The following ST7 variants were observed in gnomAD, a reference collection of about 807,000 sequenced individuals.
ST7 encodes suppression of tumorigenicity 7.
In ST7, 28 loss-of-function variants were observed where a neutral mutation model predicts 78.7. That is an observed-to-expected ratio of 0.36 (90% CI 0.26 to 0.49). The LOEUF (loss-of-function observed/expected upper bound fraction) is 0.49. ST7 is among the 20% of genes least tolerant of loss of function. The pLI, the probability that ST7 is intolerant of heterozygous loss-of-function variation, is 0.99. For missense variants in ST7, 418 were observed against 696.0 expected (o/e 0.60, Z 4.49); for synonymous variants, 247 against 249.6 (o/e 0.99, Z 0.10).
At chr7:117,121,667 C>G (rs1241115238) in intron 3 of ST7, among the ~76,000 whole-genome samples, 1 of 152,160 alleles carries the variant, frequency 6.6e-6, no homozygotes, top group East Asian at 1.9e-4. Context: ...GGATCTCCTC[C>G]TTTGTTTTCC....
At chr7:117,143,414 C>T (rs1805489196) in intron 9 of ST7, among the ~76,000 whole-genome samples, 1 of 152,162 alleles carries the variant, frequency 6.6e-6, no homozygotes. Flanking sequence ...TCCCTAAAAT[C>T]TCATAATCTC....
Position 116,965,339 on chromosome 7 carries a change from C to CAA in ST7, c.151+11668_151+11669dup, listed in dbSNP as rs975151437. 1.4e-3 allele frequency among the ~76,000 whole-genome samples: 69 copies of CAA among 50,010 alleles called. 1 individual carries two copies. The highest frequency in any genetic ancestry group is 3.1e-3 in the African/African-American group (50 of 16,084). The allele number at this position is 50,010 out of a possible 152,430, so 32.8% of individuals were successfully genotyped here. ...TGGGCGACTGAGTGAGACTCCGTCTCAAAAAAAAAAAAAAAAAAAAATTCT... is the reference window on the plus strand; with the variant it reads ...TGGGCGACTGAGTGAGACTCCGTCTCAAAAAAAAAAAAAAAAAAAAAAATTCT... On this transcript the variant is annotated intron_variant, in intron 1 of 15. Coordinates refer to ENST00000323984, the MANE Select transcript of ST7 (RefSeq NM_001369598.1).
chr7:117,138,786 A>G (rs1805019931), intron 9 of ST7, among the ~76,000 whole-genome samples: 1 of 152,144 alleles, frequency 6.6e-6, no homozygotes, highest in African/African-American at 2.4e-5. Flanking sequence ...ACTTCTTAGA[A>G]TTTTTTCGAG....
At chr7:117,165,370 A>G (rs2117236895) in intron 9 of ST7, among the ~76,000 whole-genome samples, 1 of 152,248 alleles carries the variant, frequency 6.6e-6, no homozygotes, top group South Asian at 2.1e-4. Context: ...AGTATAAGAA[A>G]ATTCTGAGCA....
intron 1 of ST7, among the ~76,000 whole-genome samples, chr7:117,070,362 T>C (rs549825766): frequency 6.6e-6 from 1 of 152,348 alleles, no homozygotes; most frequent in Non-Finnish European, 1.5e-5. Flanking sequence ...AGCACCATTT[T>C]CCAAATTATA....
intron 15 of ST7, 102 bp from the exon 16 acceptor site, chr7:117,229,660 C>T (rs1397760909): frequency 6.4e-6 from 6 of 938,756 alleles, no homozygotes; most frequent in East Asian, 2.4e-5. Context: ...TTGAGACTTT[C>T]GTAATGCAGA....
intron 15 of ST7, chr7:117,223,347 A>G (rs1793235313): frequency 4.6e-6 from 1 of 215,964 alleles, no homozygotes; most frequent in Non-Finnish European, 9.3e-6. Context: ...TCTGAATTGC[A>G]CATGTGAGCA....
intron 9 of ST7, among the ~76,000 whole-genome samples, chr7:117,168,955 G>A (rs2117256665): frequency 6.6e-6 from 1 of 152,256 alleles, no homozygotes; most frequent in African/African-American, 2.4e-5. Context: ...TTTTTTAGAG[G>A]TTGTTATGTT....
At chr7:117,085,809 A>T (rs1170302784) in intron 1 of ST7, among the ~76,000 whole-genome samples, 1 of 152,218 alleles carries the variant, frequency 6.6e-6, no homozygotes, top group Non-Finnish European at 1.5e-5. Flanking sequence ...AAGAAAAGGG[A>T]AGAATTGCAT....
intron 1 of ST7, among the ~76,000 whole-genome samples, chr7:117,028,293 C>G (rs989000395): frequency 2.6e-4 from 39 of 152,036 alleles, no homozygotes; most frequent in African/African-American, 7.0e-4. Context: ...TGTTTGCTTG[C>G]AATACTGATA....
intron 1 of ST7, among the ~76,000 whole-genome samples, chr7:116,987,747 G>A (rs547025035): frequency 6.6e-6 from 1 of 152,210 alleles, no homozygotes; most frequent in East Asian, 1.9e-4. Context: ...CTTTTGACAC[G>A]GAGTCTCACT....
intron 1 of ST7, chr7:116,972,173 C>T: frequency 1.8e-6 from 1 of 556,528 alleles, no homozygotes; most frequent in Non-Finnish European, 3.5e-6. Context: ...TTCTACATCT[C>T]ATTCAGGTCA....
At chr7:117,037,241 T>G (rs758509121) in intron 1 of ST7, among the ~76,000 whole-genome samples, 11 of 152,190 alleles carry the variant, frequency 7.2e-5, no homozygotes, top group Non-Finnish European at 1.5e-4. Context: ...TATGCAGTAT[T>G]ACATTTTTAT....
intron 1 of ST7, chr7:117,074,626 C>G (rs1277953775): frequency 6.6e-6 from 1 of 152,190 alleles, no homozygotes; most frequent in African/African-American, 2.4e-5. Flanking sequence ...TACACTGTGA[C>G]TTCAAATAAT....
At chr7:117,089,445 T>A (rs1473981952) in intron 1 of ST7, among the ~76,000 whole-genome samples, 2 of 152,038 alleles carry the variant, frequency 1.3e-5, no homozygotes, top group African/African-American at 2.4e-5. Flanking sequence ...TATCTGATAG[T>A]GTGTCAGGTG....
intron 1 of ST7, among the ~76,000 whole-genome samples, chr7:116,996,082 GTTTTTT>G (rs71148355): frequency 7.7e-6 from 1 of 130,294 alleles, no homozygotes; most frequent in Non-Finnish European, 1.6e-5. Context: ...CAGATTCCCC[GTTTTTT>G]TTTTTTTTTT....
At chr7:116,990,401 T>C (rs1794373226) in intron 1 of ST7, among the ~76,000 whole-genome samples, 1 of 152,154 alleles carries the variant, frequency 6.6e-6, no homozygotes, top group Non-Finnish European at 1.5e-5. Flanking sequence ...TGCCTAGGAA[T>C]CAATCCCCTT....
At chr7:117,024,061 G>A (rs1029808357) in intron 1 of ST7, among the ~76,000 whole-genome samples, 3 of 152,030 alleles carry the variant, frequency 2.0e-5, no homozygotes, top group African/African-American at 4.8e-5. Context: ...TGATCCTCCC[G>A]CCTCAACCTC....
At chr7:117,177,958 C>T (rs114207251) in intron 10 of ST7, among the ~76,000 whole-genome samples, 7 of 152,064 alleles carry the variant, frequency 4.6e-5, no homozygotes, top group East Asian at 3.8e-4. Flanking sequence ...AAACAGGTTA[C>T]GAAGGAGAAA....
Sources: allele counts gnomAD v4.1 joint callset (sites outside exome capture counted in the v4.1 genomes callset), GRCh38; gene constraint gnomAD v4.1.1; transcripts MANE v1.5; gene names NCBI Gene and HGNC (gene_info 2026-07-23, HGNC 2026-07-21).